TCP1: variants seen among roughly 807,000 people sequenced by gnomAD.
The protein encoded by TCP1 is T-complex protein 1 subunit alpha.
Under a neutral mutation model 54.7 loss-of-function variants are expected in TCP1, and 6 were observed. That is an observed-to-expected ratio of 0.11 (90% confidence interval 0.06 to 0.22). The LOEUF (loss-of-function observed/expected upper bound fraction) is 0.22. TCP1 is among the 10% of genes least tolerant of loss of function. The pLI is 1.00. For synonymous variants in TCP1, 225 were observed against 229.7 expected (o/e 0.98, Z 0.19); for missense variants, 511 against 678.2 (o/e 0.75, Z 2.74).
At chr6:159,789,182 TCTCAAAAC>T in intron 1 of TCP1, 2 of 538,344 alleles carry the variant, frequency 3.7e-6, no homozygotes, top group South Asian at 4.9e-5. Flanking sequence ...GCGTTGCCGG[TCTCAAAAC>T]CCTGCCGCGC....
chr6:159,783,022 T>C (rs561634204), intron 7 of TCP1, among the ~76,000 whole-genome samples: 11 of 152,218 alleles, frequency 7.2e-5, no homozygotes, highest in Non-Finnish European at 1.3e-4. Context: ...CAGAGAAGTT[T>C]TGTGTAGTAA....
At position 159,780,092 on chromosome 6, in the gene TCP1, T is replaced by C. The variant is rs758228913; in HGVS notation, c.1098-5A>G. ...GCAGACGTACGAGCCTTAGTACTGT[T>C]CAAAACAAAAGTACAATTCTTGTAA... On this transcript the variant is annotated splice_polypyrimidine_tract_variant and splice_region_variant and intron_variant, in intron 9 of 11. Transcript: ENST00000321394. 2 of 1,602,506 alleles carry C rather than the reference T, an allele frequency of 1.2e-6. No individual in the cohort carries two copies. The highest frequency in any genetic ancestry group is 2.3e-5 in the South Asian group (2 of 88,628).
Position 159,778,737 on chromosome 6 carries a change from C to T in TCP1, c.*308G>A. 6.2e-7 allele frequency: 1 copy of T among 1,614,230 alleles called. No homozygotes were observed. The highest frequency in any genetic ancestry group is 2.2e-5 in the East Asian group (1 of 44,886). On this transcript the variant is annotated 3_prime_UTR_variant, in exon 12 of 12. Transcript: ENST00000321394. ...CTGTCGAATTCTTGTGACCCTGTTA[C>T]ACACACTGGAGAGAATGGGCAGAAG...
intron 1 of TCP1, 85 bp from the exon 2 acceptor site, chr6:159,788,228 A>G: frequency 8.0e-7 from 1 of 1,253,336 alleles, no homozygotes; most frequent in Middle Eastern, 1.9e-4. Context: ...AAGGTAAATG[A>G]CATCCAACAG....
chr6:159,789,098 G>A, intron 1 of TCP1: 3 of 421,840 alleles, frequency 7.1e-6, no homozygotes, highest in East Asian at 4.2e-5. Context: ...GGCGTGGCCC[G>A]CACGTGCGAG....
At chr6:159,788,344 C>A (rs1477027932) in intron 1 of TCP1, 3 of 518,624 alleles carry the variant, frequency 5.8e-6, no homozygotes, top group Non-Finnish European at 1.0e-5. Context: ...AATCCCAACA[C>A]TGCGAGGCCG....
intron 3 of TCP1, among the ~76,000 whole-genome samples, chr6:159,786,884 A>G (rs1047753317): frequency 1.3e-5 from 2 of 152,172 alleles, no homozygotes; most frequent in African/African-American, 4.8e-5. Flanking sequence ...TCACACTGTC[A>G]TATCATGATG....
Position 159,784,853 on chromosome 6 carries a change from C to A in TCP1, c.489-6G>T, listed in dbSNP as rs749750625. ...TAGCAAAGAAATCACCATTTCTACG[C>A]CAAAAGTTAAGGACAGTAACAGGTT... On this transcript the variant is annotated splice_region_variant and splice_polypyrimidine_tract_variant and intron_variant, in intron 5 of 11. Coordinates refer to ENST00000321394, the MANE Select transcript of TCP1 (RefSeq NM_030752.3). The A allele has an allele frequency of 5.0e-6, 8 of 1,613,964 alleles. No homozygotes were observed. The African/African-American group carries it at 8.0e-5, about 16-fold the overall frequency.
Position 159,784,959 on chromosome 6 carries a change from C to A in TCP1, c.489-112G>T, listed in dbSNP as rs1547093. The A allele has an allele frequency of 0.79, 814,614 of 1,030,764 alleles. 323,952 individuals carry two copies. The highest frequency in any genetic ancestry group is 0.85 in the Admixed American group (41,247 of 48,288). 63.9% of individuals were successfully genotyped at this position (1,030,764 alleles called of 1,614,324 possible). A position where few individuals can be genotyped will look rare whatever the true frequency, so the allele number is the denominator to read the frequency against. On this transcript the variant is annotated intron_variant, in intron 5 of 11. Coordinates refer to ENST00000321394, the MANE Select transcript of TCP1 (RefSeq NM_030752.3). Reference sequence around the variant, plus strand: ...CTTTTAGTAATCTAATCTATTAAAGCAGCAAGCATTACTTGTCACCAAAAT... The same window carrying A: ...CTTTTAGTAATCTAATCTATTAAAGAAGCAAGCATTACTTGTCACCAAAAT...
chr6:159,778,866 AACTAAT>A lies in TCP1; in HGVS notation c.*173_*178del. ...TTTGAACAACCTCAATTTCTTTTTA[AACTAAT>A]AAAGTACTAGGTTGCAATATGTGAA... On this transcript the variant is annotated 3_prime_UTR_variant, in exon 12 of 12. Transcript: ENST00000321394. 1 of 1,613,236 alleles carries A rather than the reference AACTAAT, an allele frequency of 6.2e-7. No homozygotes were observed. The highest frequency in any genetic ancestry group is 8.5e-7 in the Non-Finnish European group (1 of 1,179,344).
In TCP1 at chr6:159,781,128, A is replaced by T; in HGVS notation, c.798-18T>A. On this transcript the variant is annotated intron_variant, in intron 7 of 11. Transcript: ENST00000321394. Reference sequence around the variant, plus strand: ...CTGATTCTCTGCAAAGTATTTTTGTAACCTGAGTTACCTTCTGTGATTTTT... The same window carrying T: ...CTGATTCTCTGCAAAGTATTTTTGTTACCTGAGTTACCTTCTGTGATTTTT... 6.4e-7 allele frequency: 1 copy of T among 1,556,696 alleles called. No homozygotes were observed. The highest frequency in any genetic ancestry group is 1.2e-5 in the South Asian group (1 of 82,202).
chr6:159,785,817 T>G, intron 4 of TCP1, 83 bp downstream of exon 4: 1 of 1,083,010 alleles, frequency 9.2e-7, no homozygotes, highest in Non-Finnish European at 1.4e-6. Flanking sequence ...AAATTAAAAT[T>G]TAGTTATTAA....
In TCP1 at chr6:159,778,679, T is replaced by C. The variant is rs762545053; in HGVS notation, c.*366A>G. On this transcript the variant is annotated 3_prime_UTR_variant, in exon 12 of 12. Transcript: ENST00000321394. ...GTTAGGTCAATATTGAAGGAGGGGC[T>C]ATAGCCTTGGGCCACCCTCTTGGAG... 28 of 1,614,104 alleles carry C rather than the reference T, an allele frequency of 1.7e-5. No homozygotes were observed. The Middle Eastern group carries it at 1.3e-3, about 76-fold the overall frequency.
At chr6:159,780,420 C>T (rs190091939) in intron 9 of TCP1, 23 bp downstream of exon 9, 779 of 1,613,338 alleles carry the variant, frequency 4.8e-4, no homozygotes, top group Admixed American at 9.5e-4. Flanking sequence ...TATAACTTTA[C>T]AATTTTAGAA....
At chr6:159,781,875 G>GAT (rs1456766826) in intron 7 of TCP1, among the ~76,000 whole-genome samples, 1 of 152,178 alleles carries the variant, frequency 6.6e-6, no homozygotes, top group Non-Finnish European at 1.5e-5. Flanking sequence ...AAACAATCTA[G>GAT]ATACTAAGCT....
At position 159,784,865 on chromosome 6, in the gene TCP1, G is replaced by C. The variant is rs375880451; in HGVS notation, c.489-18C>G. 4 of 1,613,840 alleles carry C rather than the reference G, an allele frequency of 2.5e-6. No individual in the cohort carries two copies. The African/African-American group carries it at 4.0e-5, about 16-fold the overall frequency. ...CACCATTTCTACGCCAAAAGTTAAG[G>C]ACAGTAACAGGTTTGGAATGGACAA... On this transcript the variant is annotated intron_variant, in intron 5 of 11. Transcript: ENST00000321394.
At chr6:159,780,660 T>G (rs912612249) in intron 8 of TCP1, 94 bp from the exon 9 acceptor site, 8 of 1,489,420 alleles carry the variant, frequency 5.4e-6, no homozygotes, top group Non-Finnish European at 6.3e-6. Flanking sequence ...AGTGCTATAT[T>G]ACAAGTTTAG....
intron 1 of TCP1, 136 bp from the exon 2 acceptor site, chr6:159,788,279 T>TA (rs1780746872): frequency 2.6e-6 from 2 of 778,948 alleles, no homozygotes; most frequent in Non-Finnish European, 4.1e-6. Flanking sequence ...GTTAATTATT[T>TA]AAAAACCACC....
intron 7 of TCP1, among the ~76,000 whole-genome samples, chr6:159,781,424 T>C (rs1780573459): frequency 6.6e-6 from 1 of 152,144 alleles, no homozygotes; most frequent in Non-Finnish European, 1.5e-5. Flanking sequence ...TAAAGTGGTA[T>C]GCAGAGATTA....
Sources: gnomAD v4.1 joint callset for allele counts (sites outside exome capture counted in the v4.1 genomes callset) on GRCh38, gnomAD v4.1.1 for gene constraint, MANE v1.5 for transcripts, NCBI Gene and HGNC (gene_info 2026-07-23, HGNC 2026-07-21) for gene names.